The following FLAD1 variants were observed in gnomAD, a reference collection of about 807,000 sequenced individuals.
FLAD1 encodes flavin adenine dinucleotide synthetase 1.
FLAD1 carries 35 observed loss-of-function variants against 55.0 expected under a neutral mutation model. The observed-to-expected ratio is 0.64, with a 90% CI of 0.49 to 0.84. FLAD1 has a LOEUF of 0.84. Ranked by LOEUF, FLAD1 falls within the 40% of genes least tolerant of loss-of-function variation. The probability of loss-of-function intolerance (pLI) is 0.00; values close to 1 mark genes in which losing one functional copy is unlikely to be tolerated. For missense variants in FLAD1, 665 were observed against 742.6 expected, an observed-to-expected ratio of 0.90 and a Z score of 1.21; for synonymous variants, 267 against 303.0, an observed-to-expected ratio of 0.88 and a Z score of 1.23.
chr1:154,986,578 G>T (rs1163921822), intron 1 of FLAD1, among the ~76,000 whole-genome samples: 1 of 151,808 alleles, frequency 6.6e-6, no homozygotes, highest in Non-Finnish European at 1.5e-5. Context: ...TTATTTTTCT[G>T]TGTGCATTTG....
chr1:154,984,871 T>A (rs1416069951), intron 1 of FLAD1, among the ~76,000 whole-genome samples: 1 of 151,804 alleles, frequency 6.6e-6, no homozygotes, highest in Non-Finnish European at 1.5e-5. Context: ...TGACACGGGT[T>A]TTTTTGTTTT....
intron 5 of FLAD1, 37 bp downstream of exon 5, chr1:154,990,565 G>T (rs1354858820): frequency 6.5e-7 from 1 of 1,541,070 alleles, no homozygotes; most frequent in Admixed American, 1.9e-5. Context: ...TCAGTCTCAC[G>T]TGCCCCAGCA....
chr1:154,991,225 A>AATATATATAT (rs1553254617), intron 5 of FLAD1: 10 of 83,168 alleles, frequency 1.2e-4, no homozygotes, highest in African/African-American at 4.7e-4. Context: ...AAAAAAAAAA[A>AATATATATAT]ATATATATAT....
intron 1 of FLAD1, 21 bp downstream of exon 1, chr1:154,984,087 G>C (rs148118421): frequency 3.8e-5 from 56 of 1,480,986 alleles, no homozygotes; most frequent in Middle Eastern, 2.1e-4. Context: ...GACAGAAAAG[G>C]GGGGAGGGCG....
rs1657732187 is a variant in FLAD1 at position 154,988,699 on chromosome 1, G to A, written c.967G>A (p.Val323Met). 1.2e-6 allele frequency: 2 copies of A among 1,614,078 alleles called. No individual in the cohort carries two copies. Among genetic ancestry groups the A allele is most frequent in the African/African-American group, 1.3e-5 (1 of 74,932 alleles). Residue 323 changes from valine (V) to methionine (M), a missense_variant, in exon 2 of 7, where the codon GTG becomes ATG. Val to Met is a conservative substitution (Grantham distance 21, BLOSUM62 1). Transcript: ENST00000292180. ...TGACTGGGGCAGCAACTACTATCAG[G>A]TGAAGCTGACTCTAGACTCAGAGGA... ...YPDWGSNYYQ[V>M]KLTLDSEEEG...
chr1:154,983,911 C>G lies in FLAD1; in HGVS notation c.217C>G (p.Pro73Ala), dbSNP rs965450382. 1.2e-6 allele frequency: 2 copies of G among 1,611,900 alleles called. No individual in the cohort carries two copies. Among genetic ancestry groups the G allele is most frequent in the Non-Finnish European group, 1.7e-6 (2 of 1,178,654 alleles). ...PQCPVDLAGP[P>A]CLRPLFGGLG... ...GTGCCCTGTAGACCTGGCAGGCCCC[C>G]CGTGCTTGCGACCCCTATTTGGGGG... Residue 73 changes from proline to alanine, a missense_variant, in exon 1 of 7, where the codon CCG (proline) becomes GCG (alanine). Coordinates refer to ENST00000292180, the MANE Select transcript of FLAD1 (RefSeq NM_025207.5).
chr1:154,986,235 G>A (rs1267244468), intron 1 of FLAD1, among the ~76,000 whole-genome samples: 1 of 148,700 alleles, frequency 6.7e-6, no homozygotes, highest in East Asian at 2.0e-4. Context: ...TGTTTGTTTT[G>A]AGACGGAGTC....
intron 1 of FLAD1, among the ~76,000 whole-genome samples, chr1:154,985,811 C>T (rs555033948): frequency 2.9e-4 from 44 of 150,604 alleles, no homozygotes; most frequent in Admixed American, 7.9e-4. Context: ...CCGTAACCTC[C>T]GCCTCCTGGG....
Position 154,989,705 on chromosome 1 carries a change from G to A in FLAD1, c.1263G>A (p.Gln421=). 1 of 1,518,344 alleles carries A rather than the reference G, an allele frequency of 6.6e-7. No individual in the cohort carries two copies. Among genetic ancestry groups the A allele is most frequent in the Non-Finnish European group, 8.8e-7 (1 of 1,131,104 alleles). 94.1% of individuals were successfully genotyped at this position (1,518,344 alleles called of 1,614,324 possible). The change falls in exon 3 of 7, where the codon CAG becomes CAA. Residue 421 remains glutamine (Q), a splice_region_variant and synonymous_variant. Coordinates refer to ENST00000292180, the MANE Select transcript of FLAD1 (RefSeq NM_025207.5). ...ALLHLFHAAV[Q]RKLPDVPNPL... The stretch of plus-strand genomic sequence containing the variant: ...TGCACCTCTTCCATGCAGCTGTGCA[G>A]AGGTGAGCCTGCCCCCGGGAGACAA...
rs1558075143 is a variant in FLAD1, at chr1:154,988,556, CA to C, written c.825del (p.Ala276LeufsTer48). 6.2e-7 allele frequency: 1 copy of C among 1,614,234 alleles called. No individual in the cohort carries two copies. Among genetic ancestry groups the C allele is most frequent in the African/African-American group, 1.3e-5 (1 of 75,064 alleles). On this transcript the variant is annotated frameshift_variant, in exon 2 of 7. Transcript: ENST00000292180. LOFTEE classifies it high-confidence loss of function. ...LEGMKGLFQN[P>X]AVQFHSKELY... Reference sequence around the variant, plus strand: ...GGGATGAAGGGACTATTCCAAAACCCAGCTGTTCAGTTCCACTCAAAGGAGC... The same window carrying C: ...GGGATGAAGGGACTATTCCAAAACCCGCTGTTCAGTTCCACTCAAAGGAGC...
chr1:154,988,105 G>A lies in FLAD1; in HGVS notation c.373G>A (p.Gly125Arg), dbSNP rs747895040. 6.2e-7 allele frequency: 1 copy of A among 1,614,048 alleles called. No individual in the cohort carries two copies. The highest frequency in any genetic ancestry group is 1.7e-5 in the Admixed American group (1 of 60,018). Residue 125 changes from glycine to arginine, a missense_variant and splice_region_variant, in exon 2 of 7, where the codon GGA becomes AGA. Coordinates refer to ENST00000292180, the MANE Select transcript of FLAD1 (RefSeq NM_025207.5). ...CCTCATCTTCCCCTTCAACCCCCAG[G>A]GACACACTCAGGACACCAACACCTT... ...IIIVGDEILKGHTQDTNTFFL... is the reference protein window; with the variant it reads ...IIIVGDEILKRHTQDTNTFFL...
chr1:154,989,287 G>A (rs1657759558), intron 2 of FLAD1, among the ~76,000 whole-genome samples: 1 of 152,192 alleles, frequency 6.6e-6, no homozygotes, highest in African/African-American at 2.4e-5. Context: ...CAAGGAAGCA[G>A]CATGGGGTTA....
Position 154,989,653 on chromosome 1 carries a change from A to G in FLAD1, c.1211A>G (p.Asn404Ser), listed in dbSNP as rs766291659. 12 of 1,597,760 alleles carry G rather than the reference A, an allele frequency of 7.5e-6. No individual in the cohort carries two copies. Among genetic ancestry groups the G allele is most frequent in the East Asian group, 2.3e-5 (1 of 43,856 alleles). Residue 404 changes from asparagine to serine, a missense_variant, in exon 3 of 7, where the codon AAC becomes AGC. Coordinates refer to ENST00000292180, the MANE Select transcript of FLAD1 (RefSeq NM_025207.5). ...CTCACCCAGCTCTGTGTGGGCTTCA[A>G]CGGGGGCAAAGACTGCACTGCCCTC... ...YSLTQLCVGF[N>S]GGKDCTALLH...
rs76665200 is a variant in FLAD1, at chr1:154,989,545, C to G, written c.1118-15C>G. ...ATGTGTCCATCTGATGCCCTCTTCCCTGCCTGCTTGGCAGGGTCTTCTTTG... is the reference window on the plus strand; with the variant it reads ...ATGTGTCCATCTGATGCCCTCTTCCGTGCCTGCTTGGCAGGGTCTTCTTTG... On this transcript the variant is annotated splice_polypyrimidine_tract_variant and intron_variant, in intron 2 of 6. Transcript: ENST00000292180. 1 of 1,551,168 alleles carries G rather than the reference C, an allele frequency of 6.4e-7. No homozygotes were observed. Among genetic ancestry groups the G allele is most frequent in the Non-Finnish European group, 8.7e-7 (1 of 1,148,278 alleles).
chr1:154,983,491 G>A lies in FLAD1; in HGVS notation c.-204G>A, dbSNP rs149371901. The A allele has an allele frequency of 7.2e-5, 36 of 497,040 alleles. No individual in the cohort carries two copies. The highest frequency in any genetic ancestry group is 1.1e-4 in the Non-Finnish European group (31 of 279,664). 30.8% of individuals were successfully genotyped at this position (497,040 alleles called of 1,614,324 possible). The stretch of plus-strand genomic sequence containing the variant: ...GCAGAAGCCTGAAGTAGAAAGAGAC[G>A]GGATTTTGGTCCGGGGTGGAGAGCG... On this transcript the variant is annotated 5_prime_UTR_variant, in exon 1 of 7. Coordinates refer to ENST00000292180, the MANE Select transcript of FLAD1 (RefSeq NM_025207.5).
At position 154,988,637 on chromosome 1, in the gene FLAD1, C is replaced by G. The variant is rs1322999990; in HGVS notation, c.905C>G (p.Ala302Gly). 1 of 1,614,238 alleles carries G rather than the reference C, an allele frequency of 6.2e-7. No homozygotes were observed. The highest frequency in any genetic ancestry group is 1.3e-5 in the African/African-American group (1 of 75,070). ...SIAPILAEAQAHFGRRLGLGS... is the reference protein window; with the variant it reads ...SIAPILAEAQGHFGRRLGLGS... ...GCCCCCATTCTGGCTGAGGCCCAGG[C>G]CCACTTTGGACGTAGGCTTGGCCTG... The change falls in exon 2 of 7, where the codon GCC becomes GGC. Residue 302 changes from alanine (A) to glycine (G), a missense_variant. Physicochemically the swap from Ala to Gly is moderately conservative, Grantham distance 60. Coordinates refer to ENST00000292180, the MANE Select transcript of FLAD1 (RefSeq NM_025207.5).
chr1:154,988,324 G>A lies in FLAD1; in HGVS notation c.592G>A (p.Glu198Lys), dbSNP rs1657711010. 1.2e-6 allele frequency: 2 copies of A among 1,614,210 alleles called. No individual in the cohort carries two copies. Among genetic ancestry groups the A allele is most frequent in the Non-Finnish European group, 1.7e-6 (2 of 1,180,040 alleles). The change falls in exon 2 of 7, where the codon GAG becomes AAG. Residue 198 changes from glutamate to lysine, a missense_variant. By Grantham distance (56) the Glu-to-Lys change is moderately conservative. Transcript: ENST00000292180. ...FEAVAQAFGD[E>K]LKPHPKLEAA... ...GGCAGTGGCACAGGCCTTTGGAGAT[G>A]AGCTGAAGCCACACCCCAAGTTGGA... is the stretch of plus-strand genomic sequence containing the variant.
At position 154,988,127 on chromosome 1, in the gene FLAD1, CCTT is replaced by C. The variant is rs767252057; in HGVS notation, c.399_401del (p.Phe134del). On this transcript the variant is annotated inframe_deletion, in exon 2 of 7. Transcript: ENST00000292180. ...CAGGGACACACTCAGGACACCAACACCTTCTTTCTGTGCCGGACACTGCGCTCC... is the reference window on the plus strand; with the variant it reads ...CAGGGACACACTCAGGACACCAACACCTTTCTGTGCCGGACACTGCGCTCC... 30 of 1,614,130 alleles carry C rather than the reference CCTT, an allele frequency of 1.9e-5. No individual in the cohort carries two copies. The highest frequency in any genetic ancestry group is 2.5e-5 in the Non-Finnish European group (29 of 1,180,046).
In FLAD1 at chr1:154,988,236, C is replaced by A; in HGVS notation, c.504C>A (p.Asn168Lys). 1.2e-6 allele frequency: 2 copies of A among 1,614,236 alleles called. No individual in the cohort carries two copies. Among genetic ancestry groups the A allele is most frequent in the Non-Finnish European group, 1.7e-6 (2 of 1,180,048 alleles). Residue 168 changes from asparagine to lysine, a missense_variant, in exon 2 of 7, where the codon AAC becomes AAA. By Grantham distance (94) the Asn-to-Lys change is moderately conservative. Coordinates refer to ENST00000292180, the MANE Select transcript of FLAD1 (RefSeq NM_025207.5). ...CAGCTGAGGTCACTTCTTTCTCCAA[C>A]CGCTTCACCCATGTCCTCACAGCAG... ...TIAAEVTSFS[N>K]RFTHVLTAGG...
Sources: allele counts gnomAD v4.1 joint callset (sites outside exome capture counted in the v4.1 genomes callset), GRCh38; gene constraint gnomAD v4.1.1; transcripts MANE v1.5; gene names NCBI Gene and HGNC (gene_info 2026-07-23, HGNC 2026-07-21).